HGF: variants seen among roughly 807,000 people sequenced by gnomAD.
HGF encodes hepatocyte growth factor.
Under a neutral mutation model 111.6 loss-of-function variants are expected in HGF, and 39 were observed. The observed-to-expected ratio is 0.35, with a 90% CI of 0.27 to 0.46. The LOEUF (loss-of-function observed/expected upper bound fraction) is 0.46. HGF is among the 20% of genes least tolerant of loss of function. The pLI is 1.00. For synonymous variants in HGF, 285 were observed against 294.8 expected (o/e 0.97, Z 0.34); for missense variants, 735 against 910.5 (o/e 0.81, Z 2.48).
rs758384523 is a variant in HGF at position 81,725,849 on chromosome 7, T to C, written c.1168+41A>G. 1.8e-5 allele frequency: 29 copies of C among 1,610,438 alleles called. No homozygotes were observed. The African/African-American group carries it at 2.7e-4, about 15-fold the overall frequency. On this transcript the variant is annotated intron_variant, in intron 9 of 17. Coordinates refer to ENST00000222390, the MANE Select transcript of HGF (RefSeq NM_000601.6). ...GTGTCCTCCCTTTAGGCATTTCCCCTGAATTTAATCATGCCCACCCTGCAG... is the reference window on the plus strand; with the variant it reads ...GTGTCCTCCCTTTAGGCATTTCCCCCGAATTTAATCATGCCCACCCTGCAG...
chr7:81,738,373 T>A (rs989295909), intron 7 of HGF, among the ~76,000 whole-genome samples: 1 of 152,178 alleles, frequency 6.6e-6, no homozygotes, highest in Non-Finnish European at 1.5e-5. Flanking sequence ...ATTCAAGCAC[T>A]ATGCAGGACT....
chr7:81,766,566 T>C (rs966420310), intron 1 of HGF, among the ~76,000 whole-genome samples: 3 of 152,164 alleles, frequency 2.0e-5, no homozygotes, highest in African/African-American at 7.2e-5. Flanking sequence ...AGACAGAGAC[T>C]GTGTCAGATG....
intron 2 of HGF, among the ~76,000 whole-genome samples, chr7:81,759,761 C>G (rs1055110898): frequency 3.3e-5 from 5 of 152,108 alleles, no homozygotes; most frequent in African/African-American, 9.7e-5. Context: ...GCCTCGGCCT[C>G]CCAAAGTGCT....
chr7:81,760,552 A>G (rs1789013626), intron 2 of HGF, among the ~76,000 whole-genome samples: 1 of 152,174 alleles, frequency 6.6e-6, no homozygotes, highest in African/African-American at 2.4e-5. Flanking sequence ...GTTTTATATA[A>G]CATGTCTAGA....
intron 4 of HGF, chr7:81,756,433 T>C (rs557824245): frequency 1.0e-5 from 2 of 198,236 alleles, no homozygotes; most frequent in East Asian, 1.4e-4. Flanking sequence ...CCTTGACTAA[T>C]ACTCCAGTCA....
At chr7:81,720,667 A>T (rs1789829292) in intron 10 of HGF, 78 bp downstream of exon 10, 7 of 815,482 alleles carry the variant, frequency 8.6e-6, no homozygotes, top group Admixed American at 1.9e-5. Context: ...ATAGAAAGAA[A>T]TAGCAATGTA....
At chr7:81,762,666 T>C (rs1415833524) in intron 2 of HGF, 41 bp downstream of exon 2, 1 of 1,412,770 alleles carries the variant, frequency 7.1e-7, no homozygotes, top group East Asian at 2.3e-5. Flanking sequence ...ATGCATGCTA[T>C]ATTTGGAAAA....
chr7:81,715,047 CTT>C (rs912776990), intron 11 of HGF, among the ~76,000 whole-genome samples: 1 of 151,970 alleles, frequency 6.6e-6, no homozygotes, highest in Non-Finnish European at 1.5e-5. Context: ...TTTTTGAAAA[CTT>C]GTAAATTATT....
rs938202364 is a variant in HGF at position 81,706,157 on chromosome 7, A to G, written c.1757+130T>C. 1.3e-4 allele frequency: 105 copies of G among 812,766 alleles called. No individual in the cohort carries two copies. The African/African-American group carries it at 1.7e-3, about 13-fold the overall frequency. The allele number at this position is 812,766 out of a possible 1,614,324, so 50.3% of individuals were successfully genotyped here. On this transcript the variant is annotated intron_variant, in intron 15 of 17. Coordinates refer to ENST00000222390, the MANE Select transcript of HGF (RefSeq NM_000601.6). The stretch of plus-strand genomic sequence containing the variant: ...GACCCAAACGCACGCATATATACAT[A>G]TATATACAGCATGTAACATATGTTT...
chr7:81,717,492 G>A (rs1174153627), intron 10 of HGF, 127 bp from the exon 11 acceptor site: 1 of 966,826 alleles, frequency 1.0e-6, no homozygotes, highest in Non-Finnish European at 1.6e-6. Flanking sequence ...TTTTACTTGG[G>A]ATGAATTTTA....
At position 81,747,113 on chromosome 7, in the gene HGF, C is replaced by T. The variant is rs1414314804; in HGVS notation, c.626-1993G>A. 9.2e-5 allele frequency among the ~76,000 whole-genome samples: 14 copies of T among 152,206 alleles called. No individual in the cohort carries two copies. In the South Asian group the frequency reaches 2.3e-3, roughly 25 times the overall value. On this transcript the variant is annotated intron_variant, in intron 5 of 17. Transcript: ENST00000222390. Reference sequence around the variant, plus strand: ...CAGCACTTTGGGAGGCCAAGATGGGCGGATCACGAGGTCAGGAGATCGAGA... The same window carrying T: ...CAGCACTTTGGGAGGCCAAGATGGGTGGATCACGAGGTCAGGAGATCGAGA...
At chr7:81,716,023 C>T (rs1420149741) in intron 11 of HGF, among the ~76,000 whole-genome samples, 1 of 152,170 alleles carries the variant, frequency 6.6e-6, no homozygotes, top group Admixed American at 6.6e-5. Flanking sequence ...TCTCTTTCTA[C>T]TGACACAGCT....
chr7:81,768,585 T>C (rs2116282493), intron 1 of HGF, among the ~76,000 whole-genome samples: 1 of 152,262 alleles, frequency 6.6e-6, no homozygotes, highest in East Asian at 1.9e-4. Flanking sequence ...TTCACCTTGT[T>C]AGCTAGGATG....
intron 9 of HGF, among the ~76,000 whole-genome samples, chr7:81,724,646 G>T (rs1440181963): frequency 2.0e-5 from 3 of 152,124 alleles, no homozygotes; most frequent in Non-Finnish European, 4.4e-5. Context: ...TGTCACCGGG[G>T]TTGGGTGCAT....
At position 81,711,476 on chromosome 7, in the gene HGF, CT is replaced by C; in HGVS notation, c.1444+4del. On this transcript the variant is annotated splice_donor_region_variant and intron_variant, in intron 12 of 17. Transcript: ENST00000222390. ...ATATACTTTATATTGTGAAATATTA[CT>C]TACGGTCTAAATTGACTATTGTAGG... 1 of 1,450,740 alleles carries C rather than the reference CT, an allele frequency of 6.9e-7. No homozygotes were observed. Among genetic ancestry groups the C allele is most frequent in the Non-Finnish European group, 9.6e-7 (1 of 1,043,742 alleles). 89.9% of individuals were successfully genotyped at this position (1,450,740 alleles called of 1,614,324 possible).
At chr7:81,736,786 TCA>T in intron 7 of HGF, 1 of 461,260 alleles carries the variant, frequency 2.2e-6, no homozygotes, top group Non-Finnish European at 4.4e-6. Context: ...GTATATGAAG[TCA>T]CATATAAGGT....
At chr7:81,765,237 G>C (rs1789299417) in intron 1 of HGF, among the ~76,000 whole-genome samples, 1 of 152,008 alleles carries the variant, frequency 6.6e-6, no homozygotes, top group African/African-American at 2.4e-5. Context: ...CACGCAAAAT[G>C]AAGGCAAGCC....
At position 81,758,782 on chromosome 7, in the gene HGF, T is replaced by C. The variant is rs1788916260; in HGVS notation, c.277A>G (p.Arg93Gly). The C allele has an allele frequency of 6.2e-7, 1 of 1,612,630 alleles. No homozygotes were observed. The highest frequency in any genetic ancestry group is 1.3e-5 in the African/African-American group (1 of 74,984). The change falls in exon 3 of 18, where the codon AGA becomes GGA. Residue 93 changes from arginine to glycine, a missense_variant. Physicochemically the swap from Arg to Gly is moderately radical, Grantham distance 125 (BLOSUM62 -2). Coordinates refer to ENST00000222390, the MANE Select transcript of HGF (RefSeq NM_000601.6). ...TCKAFVFDKA[R>G]KQCLWFPFNS... ...AAGGGGAACCAGAGGCATTGTTTTC[T>C]TGCTTTATCAAAAACAAAAGCCCTG...
At chr7:81,763,759 G>T (rs889767147) in intron 1 of HGF, among the ~76,000 whole-genome samples, 2 of 152,144 alleles carry the variant, frequency 1.3e-5, no homozygotes, top group African/African-American at 4.8e-5. Context: ...TGCAGCTATT[G>T]TGTAATAAGG....
Sources: gnomAD v4.1 joint callset for allele counts (sites outside exome capture counted in the v4.1 genomes callset) on GRCh38, gnomAD v4.1.1 for gene constraint, MANE v1.5 for transcripts, NCBI Gene and HGNC (gene_info 2026-07-23, HGNC 2026-07-21) for gene names.